The following MCC variants were observed in gnomAD, a reference collection of about 807,000 sequenced individuals.
MCC encodes colorectal mutant cancer protein.
Under a neutral mutation model 116.2 loss-of-function variants are expected in MCC, and 90 were observed. The ratio of observed to expected loss-of-function variants is 0.77; its 90% CI spans 0.65 to 0.92. The LOEUF (loss-of-function observed/expected upper bound fraction) is 0.92. Among genes scored for constraint, MCC ranks in the 40% least tolerant of loss-of-function variants. MCC has a pLI of 0.00. For synonymous variants in MCC, 578 were observed against 510.5 expected (o/e 1.13, Z -1.78); for missense variants, 1,516 against 1,312.2 (o/e 1.16, Z -2.40).
chr5:113,385,292 G>A, intron 1 of MCC, 80 bp from the exon 2 acceptor site: 1 of 1,412,404 alleles, frequency 7.1e-7, no homozygotes, highest in Non-Finnish European at 9.7e-7. Flanking sequence ...AAAAAAAAAG[G>A]TATTTCTTAA....
chr5:113,066,286 T>C (rs566609522), intron 13 of MCC, among the ~76,000 whole-genome samples: 24 of 152,338 alleles, frequency 1.6e-4, no homozygotes, highest in African/African-American at 4.6e-4. Context: ...GGAAATACGA[T>C]TGACTTTTTC....
intron 11 of MCC, among the ~76,000 whole-genome samples, chr5:113,078,120 C>G (rs1323822116): frequency 6.6e-6 from 1 of 152,148 alleles, no homozygotes; most frequent in Non-Finnish European, 1.5e-5. Context: ...AGTTGAATCC[C>G]TGAATAGGCC....
Position 113,085,258 on chromosome 5 carries a change from C to G in MCC, c.1451G>C (p.Ser484Thr), listed in dbSNP as rs1296226961. ...LQSVQATGPS[S>T]PGRLTSTNRP... ...GTTGGTGGAAGTGAGGCGGCCAGGG[C>G]TGGAGGGACCTGTGGCCTGCACGCT... Residue 484 changes from serine to threonine, a missense_variant, in exon 9 of 19, where the codon AGC (serine) becomes ACC (threonine). Transcript: ENST00000408903. The G allele has an allele frequency of 6.2e-7, 1 of 1,614,172 alleles. No homozygotes were observed. Among genetic ancestry groups the G allele is most frequent in the East Asian group, 2.2e-5 (1 of 44,866 alleles).
chr5:113,308,672 C>A (rs1350849902), intron 3 of MCC, among the ~76,000 whole-genome samples: 2 of 151,992 alleles, frequency 1.3e-5, no homozygotes, highest in Non-Finnish European at 2.9e-5. Context: ...GAAAATCTAA[C>A]AAAAATTATC....
At chr5:113,441,596 G>A (rs1312651171) in intron 1 of MCC, among the ~76,000 whole-genome samples, 3 of 152,040 alleles carry the variant, frequency 2.0e-5, no homozygotes, top group African/African-American at 4.8e-5. Context: ...GTGGTTTGCT[G>A]CACCCATCAA....
intron 1 of MCC, among the ~76,000 whole-genome samples, chr5:113,388,611 A>G (rs1769329767): frequency 6.6e-6 from 1 of 152,172 alleles, no homozygotes; most frequent in Non-Finnish European, 1.5e-5. Flanking sequence ...GCTATGTGAC[A>G]TGCTGGTTCC....
intron 2 of MCC, among the ~76,000 whole-genome samples, chr5:113,375,019 C>CCATGTTTG (rs1254085633): frequency 6.6e-6 from 1 of 150,696 alleles, no homozygotes; most frequent in African/African-American, 2.4e-5. Context: ...AAAAGATGCA[C>CCATGTTTG]CATGTTTGTC....
chr5:113,285,777 T>A (rs895899893), intron 3 of MCC, among the ~76,000 whole-genome samples: 6 of 152,214 alleles, frequency 3.9e-5, no homozygotes, highest in African/African-American at 1.4e-4. Context: ...TCTATGTATC[T>A]GTGTAGGATG....
intron 2 of MCC, among the ~76,000 whole-genome samples, chr5:113,360,173 G>GA (rs1768511312): frequency 1.4e-5 from 2 of 144,738 alleles, no homozygotes; most frequent in Admixed American, 1.4e-4. Flanking sequence ...AATGCCAGGG[G>GA]AAAAAATACA....
intron 17 of MCC, among the ~76,000 whole-genome samples, chr5:113,031,315 G>A (rs567568871): frequency 2.6e-5 from 4 of 152,084 alleles, no homozygotes; most frequent in Non-Finnish European, 5.9e-5. Flanking sequence ...AGGACATCTC[G>A]GATCTGGCTG....
chr5:113,450,963 T>C (rs984017599), intron 1 of MCC, among the ~76,000 whole-genome samples: 1 of 152,022 alleles, frequency 6.6e-6, no homozygotes, highest in African/African-American at 2.4e-5. Flanking sequence ...CCTACCCTCC[T>C]TTTTTTTCAC....
intron 3 of MCC, among the ~76,000 whole-genome samples, chr5:113,211,204 C>T (rs564920337): frequency 2.6e-5 from 4 of 152,238 alleles, no homozygotes; most frequent in African/African-American, 9.6e-5. Flanking sequence ...CCAGAGAGCT[C>T]GCTTGTCCCT....
intron 3 of MCC, among the ~76,000 whole-genome samples, chr5:113,186,366 A>C (rs1213492107): frequency 6.6e-6 from 1 of 152,170 alleles, no homozygotes; most frequent in East Asian, 1.9e-4. Context: ...GGCCTGTTTT[A>C]AATATGAATG....
chr5:113,115,537 A>T (rs982998489), intron 6 of MCC, among the ~76,000 whole-genome samples: 1 of 152,126 alleles, frequency 6.6e-6, no homozygotes. Context: ...ACCTAACATC[A>T]ACTCCAGGGA....
intron 1 of MCC, among the ~76,000 whole-genome samples, chr5:113,480,733 T>A: frequency 6.6e-6 from 1 of 152,234 alleles, no homozygotes; most frequent in Non-Finnish European, 1.5e-5. Context: ...ATCAGTACTC[T>A]AAATCAAAAG....
intron 3 of MCC, among the ~76,000 whole-genome samples, chr5:113,220,421 G>C (rs747086636): frequency 3.3e-5 from 5 of 151,980 alleles, no homozygotes; most frequent in Admixed American, 6.6e-5. Flanking sequence ...GATCAATTGA[G>C]AGAATTTATA....
intron 3 of MCC, among the ~76,000 whole-genome samples, chr5:113,309,874 C>G (rs1426261249): frequency 6.7e-6 from 1 of 149,556 alleles, no homozygotes; most frequent in African/African-American, 2.5e-5. Context: ...CTCGCCCTTC[C>G]CCCCTTCCTT....
chr5:113,340,101 G>C (rs1767973291), intron 3 of MCC, among the ~76,000 whole-genome samples: 1 of 152,234 alleles, frequency 6.6e-6, no homozygotes, highest in African/African-American at 2.4e-5. Context: ...TACTCTTAAA[G>C]TATAACCAGA....
chr5:113,410,662 C>T (rs1769964390), intron 1 of MCC, among the ~76,000 whole-genome samples: 1 of 152,156 alleles, frequency 6.6e-6, no homozygotes, highest in Non-Finnish European at 1.5e-5. Context: ...GCACAACGTG[C>T]AGGTTACATA....
Sources: allele counts gnomAD v4.1 joint callset (sites outside exome capture counted in the v4.1 genomes callset), GRCh38; gene constraint gnomAD v4.1.1; transcripts MANE v1.5; gene names NCBI Gene and HGNC (gene_info 2026-07-23, HGNC 2026-07-21).